RIMOC1: variants seen among roughly 807,000 people sequenced by gnomAD.
RIMOC1 encodes the protein RAB7A-interacting MON1-CCZ1 complex subunit 1.
chr5:41,907,403 A>G, the RIMOC1 span, among the ~76,000 whole-genome samples: 4 of 152,122 alleles, frequency 2.6e-5, no homozygotes, highest in African/African-American at 9.7e-5. Flanking sequence ...ATATTCCAGT[A>G]AGTTTTAAAT....
chr5:41,910,033 C>A, the RIMOC1 span: 3 of 615,244 alleles, frequency 4.9e-6, no homozygotes, highest in South Asian at 2.4e-5. Flanking sequence ...AAGAGCTTAA[C>A]ACTTCAGACC....
At chr5:41,913,186 C>T in the RIMOC1 span, among the ~76,000 whole-genome samples, 1 of 152,190 alleles carries the variant, frequency 6.6e-6, no homozygotes, top group African/African-American at 2.4e-5. Context: ...TTCCTTTAGA[C>T]CATCATTCTC....
chr5:41,920,712 A>G, the RIMOC1 span: 2 of 152,206 alleles, frequency 1.3e-5, no homozygotes, highest in Admixed American at 6.5e-5. Context: ...CTTTGGTTAT[A>G]TACCTTGCGT....
At chr5:41,907,628 C>T in the RIMOC1 span, 1 of 635,820 alleles carries the variant, frequency 1.6e-6, no homozygotes, top group Non-Finnish European at 2.7e-6. Context: ...CTCCATATGT[C>T]ATAATATTAT....
chr5:41,912,859 C>T, the RIMOC1 span, among the ~76,000 whole-genome samples: 2 of 152,126 alleles, frequency 1.3e-5, no homozygotes, highest in East Asian at 1.9e-4. Context: ...TACTTGTAAC[C>T]GAATGGAAGT....
chr5:41,908,381 G>A, the RIMOC1 span: 1 of 152,418 alleles, frequency 6.6e-6, no homozygotes, highest in Non-Finnish European at 1.5e-5. Context: ...ATCAAGAAAT[G>A]TAATTTTATT....
the RIMOC1 span, among the ~76,000 whole-genome samples, chr5:41,914,985 C>A: frequency 6.6e-6 from 1 of 152,064 alleles, no homozygotes; most frequent in South Asian, 2.1e-4. Context: ...TTTTCTGTGG[C>A]TAGATCTTGG....
chr5:41,915,776 G>A, the RIMOC1 span, among the ~76,000 whole-genome samples: 1 of 152,192 alleles, frequency 6.6e-6, no homozygotes. Flanking sequence ...TGGGAATTAT[G>A]AGGGTACAAT....
the RIMOC1 span, chr5:41,904,554 C>T: frequency 7.7e-7 from 1 of 1,294,374 alleles, no homozygotes; most frequent in Non-Finnish European, 1.1e-6. Flanking sequence ...GAGGCTGAGG[C>T]CTGTGTTCCT....
the RIMOC1 span, among the ~76,000 whole-genome samples, chr5:41,914,505 A>AAACG: frequency 7.1e-6 from 1 of 141,460 alleles, no homozygotes; most frequent in Non-Finnish European, 1.6e-5. Context: ...CAAAACAAAC[A>AAACG]TAAGTTTGCC....
the RIMOC1 span, among the ~76,000 whole-genome samples, chr5:41,916,601 C>A: frequency 1.3e-5 from 2 of 151,786 alleles, no homozygotes; most frequent in Admixed American, 6.6e-5. Flanking sequence ...TAGAGCATAC[C>A]CCAAAATAAA....
At chr5:41,910,962 T>C in the RIMOC1 span, 7 of 1,482,798 alleles carry the variant, frequency 4.7e-6, no homozygotes, top group African/African-American at 7.1e-5. Context: ...AGAATGTTTT[T>C]AATCGATGAG....
chr5:41,918,023 A>T, the RIMOC1 span: 3 of 985,470 alleles, frequency 3.0e-6, no homozygotes, highest in Non-Finnish European at 3.6e-6. Context: ...TTTGTAGCAC[A>T]TCTTTTCATA....
the RIMOC1 span, among the ~76,000 whole-genome samples, chr5:41,908,031 T>G: frequency 6.6e-6 from 1 of 152,188 alleles, no homozygotes; most frequent in South Asian, 2.1e-4. Context: ...TAAGATTTAT[T>G]AGATGTGTTA....
the RIMOC1 span, chr5:41,904,470 G>T: frequency 6.2e-7 from 1 of 1,613,476 alleles, no homozygotes. Flanking sequence ...TGAAGATGGT[G>T]AGGGAGCGGA....
the RIMOC1 span, chr5:41,907,705 G>A: frequency 5.6e-5 from 76 of 1,366,386 alleles, no homozygotes; most frequent in Non-Finnish European, 2.7e-5. Context: ...GAAACTAGGT[G>A]AAGTAATCCT....
At chr5:41,915,141 G>A in the RIMOC1 span, among the ~76,000 whole-genome samples, 1 of 152,150 alleles carries the variant, frequency 6.6e-6, no homozygotes, top group African/African-American at 2.4e-5. Flanking sequence ...TCACCTCTGA[G>A]TCTCATTCTT....
the RIMOC1 span, among the ~76,000 whole-genome samples, chr5:41,907,195 G>T: frequency 6.6e-6 from 1 of 152,106 alleles, no homozygotes; most frequent in African/African-American, 2.4e-5. Flanking sequence ...AGTTTTTAAA[G>T]GAATTAAATA....
chr5:41,911,725 C>T, the RIMOC1 span, among the ~76,000 whole-genome samples: 1 of 152,200 alleles, frequency 6.6e-6, no homozygotes, highest in Non-Finnish European at 1.5e-5. Context: ...ATTATAACCA[C>T]ATACATGTTT....
Sources: allele counts gnomAD v4.1 joint callset (sites outside exome capture counted in the v4.1 genomes callset), GRCh38; gene constraint gnomAD v4.1.1; transcripts MANE v1.5; gene names NCBI Gene and HGNC (gene_info 2026-07-23, HGNC 2026-07-21).